Variants in TMEM132E observed in about 807,000 individuals in gnomAD.
TMEM132E encodes transmembrane protein 132E.
Under a neutral mutation model 78.5 loss-of-function variants are expected in TMEM132E, and 49 were observed. That is an observed-to-expected ratio of 0.62 (90% confidence interval 0.50 to 0.79). The LOEUF is 0.79. Among genes scored for constraint, TMEM132E ranks in the 30% least tolerant of loss-of-function variants. TMEM132E has a pLI of 0.00. For synonymous variants in TMEM132E, 715 were observed against 670.6 expected, an observed-to-expected ratio of 1.07 and a Z score of -1.02; for missense variants, 1,403 against 1,470.9, an observed-to-expected ratio of 0.95 and a Z score of 0.75.
At position 34,616,364 on chromosome 17, in the gene TMEM132E, A is replaced by AG. The variant is rs1308497099; in HGVS notation, c.68-9760dup. 3.9e-5 allele frequency among the ~76,000 whole-genome samples: 6 copies of AG among 152,270 alleles called. No homozygotes were observed. The East Asian group carries it at 1.2e-3, about 30-fold the overall frequency. ...GCTTCTCCAGGATTTACAACCTGCC[A>AG]GGGAGTAGGCAAGAGCCATCTGGGG... On this transcript the variant is annotated intron_variant, in intron 1 of 8. Coordinates refer to ENST00000631683, the MANE Select transcript of TMEM132E (RefSeq NM_001304438.2).
Position 34,626,455 on chromosome 17 carries a change from C to T in TMEM132E, c.396C>T (p.Arg132=), listed in dbSNP as rs764664450. 2.5e-6 allele frequency: 4 copies of T among 1,613,148 alleles called. No individual in the cohort carries two copies. The highest frequency in any genetic ancestry group is 3.4e-6 in the Non-Finnish European group (4 of 1,179,846). ...VNWKVRAFIV[R]SHVPASQPVV... ...GGAAGGTGCGGGCCTTCATCGTCCG[C>T]TCGCACGTGCCCGCCTCGCAGCCCG... The change falls in exon 2 of 9, where the codon CGC becomes CGT. Residue 132 remains arginine, a synonymous_variant. Coordinates refer to ENST00000631683, the MANE Select transcript of TMEM132E (RefSeq NM_001304438.2).
At chr17:34,614,440 T>A (rs1906711255) in intron 1 of TMEM132E, 2 of 152,186 alleles carry the variant, frequency 1.3e-5, no homozygotes, top group Admixed American at 1.3e-4. Flanking sequence ...CCCTCCAGTG[T>A]TTCAGAAATA....
intron 1 of TMEM132E, among the ~76,000 whole-genome samples, chr17:34,582,495 T>C (rs559669492): frequency 8.0e-4 from 105 of 130,442 alleles, no homozygotes; most frequent in Non-Finnish European, 1.3e-3. Flanking sequence ...GCTTGGTTAT[T>C]CCCGGCTGAG....
intron 1 of TMEM132E, among the ~76,000 whole-genome samples, chr17:34,595,811 A>C (rs1480883774): frequency 7.9e-5 from 12 of 152,316 alleles, no homozygotes; most frequent in Non-Finnish European, 1.8e-4. Context: ...TTGGTTGGTC[A>C]CAGCTGTGGG....
In TMEM132E at chr17:34,630,045, G is replaced by A. The variant is rs368041322; in HGVS notation, c.1376G>A (p.Arg459Gln). The A allele has an allele frequency of 3.0e-5, 48 of 1,612,766 alleles. No individual in the cohort carries two copies. In the South Asian group the frequency reaches 4.0e-4, roughly 13 times the overall value. The change falls in exon 5 of 9, where the codon CGG becomes CAG. Residue 459 changes from arginine to glutamine, a missense_variant. Around this residue, in one of 3 missense-constraint regions of TMEM132E, gnomAD observed 888 missense variants for 952.8 expected, o/e 0.93. Coordinates refer to ENST00000631683, the MANE Select transcript of TMEM132E (RefSeq NM_001304438.2). ...ATCAACACGGCCATTCTGACTGGCC[G>A]GACAGTGGCCATCCCTGTCAAGGTC... is the stretch of plus-strand genomic sequence containing the variant. ...EIINTAILTGRTVAIPVKVIA... is the reference protein window; with the variant it reads ...EIINTAILTGQTVAIPVKVIA...
In TMEM132E at chr17:34,626,284, C is replaced by A; in HGVS notation, c.225C>A (p.Arg75=). The change falls in exon 2 of 9, where the codon CGC becomes CGA. Residue 75 remains arginine, a synonymous_variant. Transcript: ENST00000631683. ...SPAVANSSLQ[R]SEPFVVFQTK... is the part of the protein sequence containing the mutation. ...CGGTCGCCAACAGCTCTCTGCAGCG[C>A]TCCGAGCCCTTCGTGGTGTTCCAGA... 1 of 1,609,572 alleles carries A rather than the reference C, an allele frequency of 6.2e-7. No homozygotes were observed. The highest frequency in any genetic ancestry group is 8.5e-7 in the Non-Finnish European group (1 of 1,178,316).
chr17:34,637,200 C>T lies in TMEM132E; in HGVS notation c.2193C>T (p.Leu731=). 3 of 1,609,184 alleles carry T rather than the reference C, an allele frequency of 1.9e-6. No individual in the cohort carries two copies. Among genetic ancestry groups the T allele is most frequent in the Non-Finnish European group, 2.6e-6 (3 of 1,176,340 alleles). Residue 731 remains leucine, a synonymous_variant, in exon 9 of 9, where the codon CTC becomes CTT. Coordinates refer to ENST00000631683, the MANE Select transcript of TMEM132E (RefSeq NM_001304438.2). ...AGGAAGCCCTACTGAGCCTCTGGCT[C>T]TCCTACAGTGATGGCACCACAGCCC... ...LKQEALLSLW[L]SYSDGTTAPL... is the part of the protein sequence containing the mutation.
chr17:34,611,909 G>A (rs1385571469), intron 1 of TMEM132E, among the ~76,000 whole-genome samples: 2 of 152,094 alleles, frequency 1.3e-5, no homozygotes, highest in Non-Finnish European at 2.9e-5. Flanking sequence ...CCACCCTATG[G>A]GGCAGAGAAG....
intron 1 of TMEM132E, among the ~76,000 whole-genome samples, chr17:34,610,194 T>C (rs1256755451): frequency 1.3e-5 from 2 of 152,248 alleles, no homozygotes; most frequent in African/African-American, 2.4e-5. Context: ...TGGTTATTTA[T>C]GTACTTGTCT....
chr17:34,580,999 G>A lies in TMEM132E; in HGVS notation c.-78G>A. On this transcript the variant is annotated 5_prime_UTR_variant, in exon 1 of 9. Coordinates refer to ENST00000631683, the MANE Select transcript of TMEM132E (RefSeq NM_001304438.2). ...CGGGCGCCACGGCAGCCCTGAGTTG[G>A]ATGTGACCAAGCCCAGCCTGGGGCC... 1 of 1,293,060 alleles carries A rather than the reference G, an allele frequency of 7.7e-7. No homozygotes were observed. Among genetic ancestry groups the A allele is most frequent in the Non-Finnish European group, 1.0e-6 (1 of 953,664 alleles). The allele number at this position is 1,293,060 out of a possible 1,614,324, so 80.1% of individuals were successfully genotyped here. A position where few individuals can be genotyped will look rare whatever the true frequency, so the allele number is the denominator to read the frequency against.
rs1277872837 is a variant in TMEM132E, at chr17:34,580,836, G to A, written c.-241G>A. The A allele has an allele frequency of 2.2e-6, 1 of 453,692 alleles. No individual in the cohort carries two copies. Among genetic ancestry groups the A allele is most frequent in the East Asian group, 3.7e-5 (1 of 27,076 alleles). 28.1% of individuals were successfully genotyped at this position (453,692 alleles called of 1,614,324 possible). ...AGATCCTGCAGGGGGCACCAGCTGG[G>A]GGAGGTGGAGGCTCCTCCCGCCCGG... On this transcript the variant is annotated 5_prime_UTR_variant, in exon 1 of 9. Transcript: ENST00000631683.
intron 8 of TMEM132E, 70 bp from the exon 9 acceptor site, chr17:34,637,107 C>T: frequency 7.1e-7 from 1 of 1,414,728 alleles, no homozygotes; most frequent in East Asian, 2.3e-5. Flanking sequence ...CCTACAGAGC[C>T]CAGGATCTAG....
intron 2 of TMEM132E, among the ~76,000 whole-genome samples, chr17:34,627,425 T>C (rs777575024): frequency 6.8e-6 from 1 of 147,054 alleles, no homozygotes; most frequent in African/African-American, 2.6e-5. Flanking sequence ...GGAAGAGAAA[T>C]TGGGTCCAGA....
Position 34,626,772 on chromosome 17 carries a change from C to G in TMEM132E, c.713C>G (p.Ala238Gly). Residue 238 changes from alanine to glycine, a missense_variant, in exon 2 of 9, where the codon GCC becomes GGC. This residue lies in a region of TMEM132E where 511 missense variants were observed against 499.0 expected (regional missense o/e 1.02). Coordinates refer to ENST00000631683, the MANE Select transcript of TMEM132E (RefSeq NM_001304438.2). ...GCCGAGCTCTACTACACGCTCCACG[C>G]CCCTGATGCGTCGGGGGGCTGCGGG... is the stretch of plus-strand genomic sequence containing the variant. ...QQAELYYTLHAPDASGGCGGS... is the reference protein window; with the variant it reads ...QQAELYYTLHGPDASGGCGGS... The G allele has an allele frequency of 6.8e-7, 1 of 1,473,124 alleles. No individual in the cohort carries two copies. The highest frequency in any genetic ancestry group is 9.1e-7 in the Non-Finnish European group (1 of 1,103,116). The allele number at this position is 1,473,124 out of a possible 1,614,324, so 91.3% of individuals were successfully genotyped here. A position where few individuals can be genotyped will look rare whatever the true frequency, so the allele number is the denominator to read the frequency against.
intron 1 of TMEM132E, among the ~76,000 whole-genome samples, chr17:34,613,150 A>C: frequency 1.7e-5 from 2 of 115,722 alleles, no homozygotes; most frequent in East Asian, 3.1e-4. Flanking sequence ...GGTGGCACTC[A>C]CACTCTCTCT....
chr17:34,596,229 T>C (rs144117126), intron 1 of TMEM132E, among the ~76,000 whole-genome samples: 1 of 152,310 alleles, frequency 6.6e-6, no homozygotes, highest in Non-Finnish European at 1.5e-5. Flanking sequence ...TTCCCCACCA[T>C]GACCAAGGAG....
intron 1 of TMEM132E, among the ~76,000 whole-genome samples, chr17:34,593,597 G>C (rs1204609981): frequency 6.6e-6 from 1 of 152,232 alleles, no homozygotes; most frequent in Non-Finnish European, 1.5e-5. Flanking sequence ...CCCCTGCCCA[G>C]CTCAGTGCCT....
chr17:34,633,852 A>G lies in TMEM132E; in HGVS notation c.1688+943A>G, dbSNP rs537239700. Among the ~76,000 whole-genome samples the G allele has an allele frequency of 2.0e-5, 3 of 152,332 alleles. No individual in the cohort carries two copies. The South Asian group carries it at 6.2e-4, about 32-fold the overall frequency. On this transcript the variant is annotated intron_variant, in intron 6 of 8. Coordinates refer to ENST00000631683, the MANE Select transcript of TMEM132E (RefSeq NM_001304438.2). Reference sequence around the variant, plus strand: ...TCTCACCAGCTCCTGGGTGATAGCGATACTGCTTTGAGTAGCAAGGATGTA... The same window carrying G: ...TCTCACCAGCTCCTGGGTGATAGCGGTACTGCTTTGAGTAGCAAGGATGTA...
intron 1 of TMEM132E, among the ~76,000 whole-genome samples, chr17:34,595,993 C>G (rs76170678): frequency 1.3e-5 from 2 of 151,950 alleles, no homozygotes; most frequent in African/African-American, 4.8e-5. Context: ...TTATTTTTCC[C>G]TCCATTCCCC....
Sources: allele counts gnomAD v4.1 joint callset (sites outside exome capture counted in the v4.1 genomes callset), GRCh38; gene constraint gnomAD v4.1.1; regional missense constraint gnomAD v4.1.1; transcripts MANE v1.5; gene names NCBI Gene and HGNC (gene_info 2026-07-23, HGNC 2026-07-21).